The following RASA1 variants were observed in gnomAD, a reference collection of about 807,000 sequenced individuals.
RASA1 encodes ras GTPase-activating protein 1.
RASA1 carries 25 observed loss-of-function variants against 132.2 expected under a neutral mutation model. The ratio of observed to expected loss-of-function variants is 0.19; its 90% CI spans 0.14 to 0.26. RASA1 has a LOEUF of 0.26. RASA1 is among the 10% of genes least tolerant of loss of function. The pLI is 1.00. For synonymous variants in RASA1, 477 were observed against 449.9 expected (o/e 1.06, Z -0.76); for missense variants, 964 against 1,299.2 (o/e 0.74, Z 3.97).
chr5:87,339,008 G>C (rs1758246133), intron 5 of RASA1, among the ~76,000 whole-genome samples: 1 of 151,998 alleles, frequency 6.6e-6, no homozygotes, highest in African/African-American at 2.4e-5. Context: ...CAAATATATT[G>C]TACATTATAA....
chr5:87,334,677 T>A (rs1231919979), intron 4 of RASA1, among the ~76,000 whole-genome samples: 1 of 152,232 alleles, frequency 6.6e-6, no homozygotes, highest in African/African-American at 2.4e-5. Context: ...GTGTACTGTA[T>A]TCTTCACTGT....
intron 23 of RASA1, 42 bp from the exon 24 acceptor site, chr5:87,389,351 A>G (rs765120457): frequency 1.2e-6 from 2 of 1,611,282 alleles, no homozygotes; most frequent in East Asian, 2.2e-5. Flanking sequence ...AAAAAAAAAG[A>G]AGATTTGTAT....
chr5:87,362,669 AG>A lies in RASA1; in HGVS notation c.1453+1del, dbSNP rs1361922924. 1 of 1,605,572 alleles carries A rather than the reference AG, an allele frequency of 6.2e-7. No homozygotes were observed. Among genetic ancestry groups the A allele is most frequent in the Non-Finnish European group, 8.5e-7 (1 of 1,172,674 alleles). On this transcript the variant is annotated frameshift_variant and splice_region_variant, in exon 10 of 25. Transcript: ENST00000274376. LOFTEE classifies it high-confidence loss of function. ...GTTAAGAAAGGTTATCTTCTGAAAA[AG>A]GGTAAGTTCAGACTTTTATCATTAA... is the stretch of plus-strand genomic sequence containing the variant. ...NIVKKGYLLK[K>X]GKGKRWKNLY...
intron 2 of RASA1, 68 bp from the exon 3 acceptor site, chr5:87,332,439 T>C: frequency 7.5e-6 from 11 of 1,461,368 alleles, no homozygotes; most frequent in Non-Finnish European, 1.0e-5. Context: ...ATAATTTCTT[T>C]ATAAAACTTG....
chr5:87,366,007 C>CTGT (rs773287332), intron 11 of RASA1, among the ~76,000 whole-genome samples: 126 of 152,246 alleles, frequency 8.3e-4, no homozygotes, highest in Middle Eastern at 3.4e-3. Context: ...AAAATACCTA[C>CTGT]TGTTGGATGC....
intron 1 of RASA1, among the ~76,000 whole-genome samples, chr5:87,303,839 CTTTTTT>C (rs755878903): frequency 7.7e-6 from 1 of 130,338 alleles, no homozygotes; most frequent in Non-Finnish European, 1.7e-5. Context: ...TACTTCTTGT[CTTTTTT>C]TTTTTTTTTT....
At chr5:87,338,501 T>TTATATATATATA (rs3069490) in intron 5 of RASA1, among the ~76,000 whole-genome samples, 1 of 75,682 alleles carries the variant, frequency 1.3e-5, no homozygotes, top group African/African-American at 4.9e-5. Context: ...CCAGCTAATT[T>TTATATATATATA]TATATATATA....
chr5:87,310,801 G>C (rs1362778009), intron 1 of RASA1, among the ~76,000 whole-genome samples: 2 of 152,078 alleles, frequency 1.3e-5, no homozygotes, highest in South Asian at 2.1e-4. Flanking sequence ...ATGGTACAAA[G>C]CAAAAACTTC....
intron 9 of RASA1, among the ~76,000 whole-genome samples, chr5:87,361,516 A>G (rs1760087879): frequency 6.6e-6 from 1 of 152,224 alleles, no homozygotes; most frequent in Admixed American, 6.5e-5. Context: ...AATCCTTGCA[A>G]AATAGTAAGA....
chr5:87,363,286 TA>T, intron 10 of RASA1, 61 bp from the exon 11 acceptor site: 1 of 1,388,806 alleles, frequency 7.2e-7, no homozygotes, highest in Non-Finnish European at 1.0e-6. Flanking sequence ...ACACTAATTT[TA>T]ATAATATGTA....
intron 1 of RASA1, among the ~76,000 whole-genome samples, chr5:87,295,962 G>A (rs769768595): frequency 5.9e-5 from 9 of 151,678 alleles, no homozygotes; most frequent in Admixed American, 1.3e-4. Flanking sequence ...GATTACAGGC[G>A]TGCGCCACCA....
At chr5:87,327,698 C>T (rs1390234840) in intron 1 of RASA1, among the ~76,000 whole-genome samples, 1 of 152,138 alleles carries the variant, frequency 6.6e-6, no homozygotes, top group African/African-American at 2.4e-5. Context: ...GGTGCAGTGG[C>T]TCACACCTGT....
At chr5:87,306,821 C>G (rs1248587557) in intron 1 of RASA1, among the ~76,000 whole-genome samples, 2 of 152,024 alleles carry the variant, frequency 1.3e-5, no homozygotes, top group Non-Finnish European at 2.9e-5. Context: ...TCTATTGCCT[C>G]CTTTCTCGTA....
chr5:87,315,590 T>C (rs958471622), intron 1 of RASA1, among the ~76,000 whole-genome samples: 3 of 152,250 alleles, frequency 2.0e-5, no homozygotes, highest in African/African-American at 4.8e-5. Context: ...AAGTGTGCTA[T>C]CTTTTGGGTT....
intron 17 of RASA1, 25 bp downstream of exon 17, chr5:87,377,065 A>ATTT: frequency 6.2e-7 from 1 of 1,603,128 alleles, no homozygotes; most frequent in East Asian, 2.2e-5. Flanking sequence ...TGTTAGTGTG[A>ATTT]TACAAGAAAC....
At chr5:87,331,310 C>T in intron 1 of RASA1, 38 bp from the exon 2 acceptor site, 1 of 1,554,432 alleles carries the variant, frequency 6.4e-7, no homozygotes, top group Non-Finnish European at 8.9e-7. Flanking sequence ...TCTGCACTTG[C>T]TATTTATATT....
In RASA1 at chr5:87,306,584, A is replaced by G. The variant is rs544443808; in HGVS notation, c.540-24764A>G. ...ATGACACACATTTACTTATGTAACA[A>G]TCCTGCACATGTACCCCTGAACTTA... On this transcript the variant is annotated intron_variant, in intron 1 of 24. Coordinates refer to ENST00000274376, the MANE Select transcript of RASA1 (RefSeq NM_002890.3). Among the ~76,000 whole-genome samples, 24 of 152,124 alleles carry G rather than the reference A, an allele frequency of 1.6e-4. 1 individual carries two copies. The South Asian group carries it at 2.1e-3, about 13-fold the overall frequency.
Position 87,270,646 on chromosome 5 carries a change from CTTTTTTTTTTTTTTTTTTTTTTTTT to C in RASA1, c.539+1669_539+1693del, listed in dbSNP as rs70996415. 3.2e-3 allele frequency among the ~76,000 whole-genome samples: 228 copies of C among 71,788 alleles called. 2 individuals are homozygous for C. Among genetic ancestry groups the C allele is most frequent in the Middle Eastern group, 0.016 (2 of 128 alleles). 47.1% of individuals were successfully genotyped at this position (71,788 alleles called of 152,430 possible). A position where few individuals can be genotyped will look rare whatever the true frequency, so the allele number is the denominator to read the frequency against. On this transcript the variant is annotated intron_variant, in intron 1 of 24. Coordinates refer to ENST00000274376, the MANE Select transcript of RASA1 (RefSeq NM_002890.3). ...ACAGCCGTAAGCCACGGTGCCCGGC[CTTTTTTTTTTTTTTTTTTTTTTTTT>C]TTTTTTTTTTTTGGATAAGCTTCTT...
chr5:87,315,627 A>AAATATAG (rs1453662140), intron 1 of RASA1, among the ~76,000 whole-genome samples: 1 of 152,232 alleles, frequency 6.6e-6, no homozygotes, highest in East Asian at 1.9e-4. Context: ...AACCTAGAGT[A>AAATATAG]AATATAGAAT....
Sources: allele counts gnomAD v4.1 joint callset (sites outside exome capture counted in the v4.1 genomes callset), GRCh38; gene constraint gnomAD v4.1.1; transcripts MANE v1.5; gene names NCBI Gene and HGNC (gene_info 2026-07-23, HGNC 2026-07-21).